Variants in BCAR3 observed in about 807,000 individuals in gnomAD.
The protein encoded by BCAR3 is BCAR3 adaptor protein, NSP family member, also known as breast cancer anti-estrogen resistance protein 3.
Under a neutral mutation model 80.1 loss-of-function variants are expected in BCAR3, and 37 were observed. That is an observed-to-expected ratio of 0.46 (90% CI 0.36 to 0.61). The LOEUF (loss-of-function observed/expected upper bound fraction) is 0.61, where lower values mean the gene tolerates loss of function less well. BCAR3 is among the 20% of genes least tolerant of loss of function. The probability of loss-of-function intolerance (pLI) is 0.00; values close to 1 mark genes in which losing one functional copy is unlikely to be tolerated. For missense variants in BCAR3, 978 were observed against 1,068.2 expected (o/e 0.92, Z 1.18); for synonymous variants, 389 against 418.9 (o/e 0.93, Z 0.87).
At chr1:93,775,423 C>G (rs903115920) in intron 2 of BCAR3, 1 of 152,252 alleles carries the variant, frequency 6.6e-6, no homozygotes, top group Non-Finnish European at 1.5e-5. Flanking sequence ...CTGCCCAGCA[C>G]GCGCGCGGCT....
At chr1:93,834,602 A>T (rs1413392327) in intron 2 of BCAR3, among the ~76,000 whole-genome samples, 2 of 151,990 alleles carry the variant, frequency 1.3e-5, no homozygotes, top group Non-Finnish European at 2.9e-5. Context: ...ACGTGACCTT[A>T]CTCTTTCAGC....
chr1:93,592,364 C>T lies in BCAR3; in HGVS notation c.387G>A (p.Arg129=), dbSNP rs1209901921. ...KFSKERHIMD[R]TPEKLKKELE... is the part of the protein sequence containing the mutation. ...GCTCCTTCTTCAGTTTCTCGGGGGTCCTGTCCATGATGTGCCTCTCCTTGG... is the reference window on the plus strand; with the variant it reads ...GCTCCTTCTTCAGTTTCTCGGGGGTTCTGTCCATGATGTGCCTCTCCTTGG... The change falls in exon 4 of 12, where the codon AGG becomes AGA. Residue 129 remains arginine, a synonymous_variant. Transcript: ENST00000260502. The surrounding 1 kb of genome is among the most constrained non-coding windows in gnomAD (Gnocchi z 4.8). 7 of 1,604,456 alleles carry T rather than the reference C, an allele frequency of 4.4e-6. No individual in the cohort carries two copies. Among genetic ancestry groups the T allele is most frequent in the Non-Finnish European group, 5.9e-6 (7 of 1,179,156 alleles).
chr1:93,814,525 G>T (rs1557697036), intron 2 of BCAR3, among the ~76,000 whole-genome samples: 1 of 152,200 alleles, frequency 6.6e-6, no homozygotes, highest in East Asian at 1.9e-4. Context: ...CAGGACTCAC[G>T]TCCACTACCT....
intron 2 of BCAR3, among the ~76,000 whole-genome samples, chr1:93,819,135 C>T (rs186712511): frequency 5.4e-4 from 81 of 151,106 alleles, no homozygotes; most frequent in African/African-American, 1.7e-3. Context: ...GGTGTAATCT[C>T]GGCTCACTGC....
At chr1:93,565,008 G>A (rs527305031) in intron 11 of BCAR3, among the ~76,000 whole-genome samples, 1 of 152,178 alleles carries the variant, frequency 6.6e-6, no homozygotes, top group African/African-American at 2.4e-5. Context: ...TAGATCACAG[G>A]ATCTTGGTTG....
At chr1:93,739,410 C>T (rs1473059034) in intron 2 of BCAR3, among the ~76,000 whole-genome samples, 5 of 152,152 alleles carry the variant, frequency 3.3e-5, no homozygotes, top group African/African-American at 1.2e-4. Context: ...TAAAAAAGAA[C>T]TAGTAATGAC....
intron 2 of BCAR3, among the ~76,000 whole-genome samples, chr1:93,757,312 G>A (rs1651780956): frequency 6.6e-6 from 1 of 152,138 alleles, no homozygotes; most frequent in Non-Finnish European, 1.5e-5. Flanking sequence ...CTCCCACAGA[G>A]GAGTGGAGCA....
chr1:93,716,940 G>C (rs1483374023), intron 2 of BCAR3, among the ~76,000 whole-genome samples: 1 of 152,222 alleles, frequency 6.6e-6, no homozygotes, highest in Non-Finnish European at 1.5e-5. Flanking sequence ...GGGCTCGGTA[G>C]ATACAGACTG....
At chr1:93,710,911 G>C (rs1649997873) in intron 2 of BCAR3, among the ~76,000 whole-genome samples, 1 of 152,192 alleles carries the variant, frequency 6.6e-6, no homozygotes, top group Admixed American at 6.5e-5. Flanking sequence ...CAGGCTGTCA[G>C]CCTGGGCTTT....
At chr1:93,810,110 T>C (rs1458887446) in intron 2 of BCAR3, among the ~76,000 whole-genome samples, 2 of 149,692 alleles carry the variant, frequency 1.3e-5, no homozygotes, top group East Asian at 4.0e-4. Context: ...GGAGAATTGC[T>C]TGAACCCGTG....
At chr1:93,847,965 TA>T, upstream of BCAR3, 1 of 225,474 alleles carries the variant, frequency 4.4e-6, no homozygotes, top group South Asian at 5.5e-5. Context: ...GGTTTCGGCC[TA>T]AAGGAAAGTG....
chr1:93,653,809 G>A (rs759732202), intron 2 of BCAR3, among the ~76,000 whole-genome samples: 3 of 152,050 alleles, frequency 2.0e-5, no homozygotes, highest in Non-Finnish European at 4.4e-5. Context: ...GTGGTGATGC[G>A]AAATGCTCCA....
chr1:93,783,796 C>G (rs900359865), intron 2 of BCAR3, among the ~76,000 whole-genome samples: 1 of 152,224 alleles, frequency 6.6e-6, no homozygotes, highest in Non-Finnish European at 1.5e-5. Context: ...GGTCCCATCT[C>G]TCTTCCAGAA....
chr1:93,581,354 T>C (rs1673699615), intron 7 of BCAR3, among the ~76,000 whole-genome samples: 1 of 152,076 alleles, frequency 6.6e-6, no homozygotes, highest in Non-Finnish European at 1.5e-5. Context: ...ATGCTGACAA[T>C]GGTGATCTCC....
intron 11 of BCAR3, among the ~76,000 whole-genome samples, chr1:93,564,130 G>A (rs553725505): frequency 3.9e-5 from 6 of 152,044 alleles, no homozygotes; most frequent in East Asian, 1.9e-4. Context: ...CTTCTCTGAT[G>A]TAGTGTCTAT....
intron 2 of BCAR3, among the ~76,000 whole-genome samples, chr1:93,814,388 T>C (rs998558807): frequency 6.6e-6 from 1 of 152,178 alleles, no homozygotes; most frequent in African/African-American, 2.4e-5. Context: ...TCTCACAGGA[T>C]GGTTGAGGGC....
chr1:93,721,363 C>G (rs1049215885), intron 2 of BCAR3, among the ~76,000 whole-genome samples: 1 of 152,100 alleles, frequency 6.6e-6, no homozygotes, highest in Admixed American at 6.5e-5. Flanking sequence ...GAGAGTTCAC[C>G]TCTACTTTGT....
intron 2 of BCAR3, chr1:93,752,978 T>C (rs1471632538): frequency 6.6e-6 from 1 of 152,224 alleles, no homozygotes; most frequent in Non-Finnish European, 1.5e-5. Flanking sequence ...CTATTTGATA[T>C]CTCACAGATG....
chr1:93,567,531 T>C, intron 10 of BCAR3, 40 bp from the exon 11 acceptor site: 1 of 1,602,774 alleles, frequency 6.2e-7, no homozygotes. Flanking sequence ...TCACATGTTT[T>C]CCAAAGTTAA....
Sources: gnomAD v4.1 joint callset for allele counts (sites outside exome capture counted in the v4.1 genomes callset) on GRCh38, gnomAD v4.1.1 for gene constraint, Gnocchi (gnomAD v3.1) non-coding constraint, MANE v1.5 for transcripts, NCBI Gene and HGNC (gene_info 2026-07-23, HGNC 2026-07-21) for gene names.